The following STPG2 variants were observed in gnomAD, a reference collection of about 807,000 sequenced individuals.
The protein encoded by STPG2 is sperm-tail PG-rich repeat-containing protein 2.
Under a neutral mutation model 54.2 loss-of-function variants are expected in STPG2, and 56 were observed. The observed-to-expected ratio is 1.03, with a 90% CI of 0.83 to 1.29. The LOEUF is 1.29. Among genes scored for constraint, STPG2 ranks in the 50% most tolerant of loss-of-function variants. The probability of loss-of-function intolerance (pLI) is 0.00; values close to 1 mark genes in which losing one functional copy is unlikely to be tolerated. For missense variants in STPG2, 596 were observed against 544.9 expected (o/e 1.09, Z -0.93); for synonymous variants, 200 against 181.8 (o/e 1.10, Z -0.81).
intron 10 of STPG2, among the ~76,000 whole-genome samples, chr4:97,588,535 C>G (rs568501048): frequency 2.6e-5 from 4 of 152,096 alleles, no homozygotes; most frequent in African/African-American, 9.6e-5. Flanking sequence ...AAAAAGGAAT[C>G]ATTTTCACCA....
chr4:98,032,492 T>C (rs1302010414), intron 5 of STPG2, among the ~76,000 whole-genome samples: 1 of 152,104 alleles, frequency 6.6e-6, no homozygotes, highest in Non-Finnish European at 1.5e-5. Context: ...ACAATAATAG[T>C]GGGAAACTTT....
chr4:97,997,521 T>A (rs1445012645), intron 5 of STPG2, among the ~76,000 whole-genome samples: 1 of 152,124 alleles, frequency 6.6e-6, no homozygotes, highest in African/African-American at 2.4e-5. Flanking sequence ...TCACGAGAAA[T>A]CCTTCCTTAT....
chr4:97,714,596 A>G (rs1724232856), intron 9 of STPG2, among the ~76,000 whole-genome samples: 1 of 152,184 alleles, frequency 6.6e-6, no homozygotes, highest in Admixed American at 6.6e-5. Context: ...ATAAAACAAT[A>G]GCATGCACAA....
intron 8 of STPG2, among the ~76,000 whole-genome samples, chr4:97,859,522 T>A (rs1168941163): frequency 1.3e-5 from 2 of 150,566 alleles, no homozygotes. Context: ...GGGAGTGCAG[T>A]GGGGCGATCT....
chr4:97,756,581 C>T (rs1405968266), intron 9 of STPG2, among the ~76,000 whole-genome samples: 1 of 152,066 alleles, frequency 6.6e-6, no homozygotes, highest in Non-Finnish European at 1.5e-5. Context: ...CTGCCTTGGC[C>T]TCCCAAAGTG....
intron 9 of STPG2, among the ~76,000 whole-genome samples, chr4:97,769,446 A>G (rs1056289044): frequency 6.6e-6 from 1 of 152,146 alleles, no homozygotes; most frequent in Admixed American, 6.5e-5. Context: ...CAATAAACAC[A>G]TGCCTCCAAA....
intron 5 of STPG2, among the ~76,000 whole-genome samples, chr4:98,051,938 T>A (rs1357685773): frequency 6.6e-6 from 1 of 151,878 alleles, no homozygotes; most frequent in Admixed American, 6.6e-5. Flanking sequence ...AAATACAAAA[T>A]TAGCCAGGTG....
intron 1 of STPG2, among the ~76,000 whole-genome samples, chr4:98,139,694 T>A (rs1398441047): frequency 6.6e-6 from 1 of 152,178 alleles, no homozygotes; most frequent in African/African-American, 2.4e-5. Flanking sequence ...ATGTATAGGA[T>A]GCAGCTGCTC....
intron 10 of STPG2, among the ~76,000 whole-genome samples, chr4:97,709,270 AC>A (rs936240448): frequency 6.6e-6 from 1 of 151,752 alleles, no homozygotes; most frequent in African/African-American, 2.4e-5. Context: ...ATAGTAATAA[AC>A]AATAAGAATC....
intron 10 of STPG2, among the ~76,000 whole-genome samples, chr4:97,694,901 C>T (rs571401138): frequency 4.4e-4 from 63 of 142,798 alleles, no homozygotes; most frequent in East Asian, 1.9e-3. Context: ...CTGAATTCTA[C>T]GAGACATTCA....
chr4:98,101,231 T>G (rs1018129420), intron 5 of STPG2, among the ~76,000 whole-genome samples: 1 of 152,122 alleles, frequency 6.6e-6, no homozygotes, highest in South Asian at 2.1e-4. Flanking sequence ...ATGAAAGATA[T>G]ACAGAATAAG....
chr4:97,727,013 A>T (rs150014598), intron 9 of STPG2, among the ~76,000 whole-genome samples: 6 of 151,924 alleles, frequency 3.9e-5, no homozygotes, highest in African/African-American at 1.4e-4. Flanking sequence ...GTAGAGATAG[A>T]AACAAGGTTT....
chr4:97,972,171 T>C, intron 7 of STPG2, 109 bp downstream of exon 7: 1 of 702,406 alleles, frequency 1.4e-6, no homozygotes, highest in East Asian at 3.0e-5. Flanking sequence ...AACATGGTTA[T>C]AATAACTATT....
chr4:97,919,774 C>A (rs1013491509), intron 8 of STPG2, among the ~76,000 whole-genome samples: 1 of 152,058 alleles, frequency 6.6e-6, no homozygotes, highest in Non-Finnish European at 1.5e-5. Flanking sequence ...CTAGTAAAAA[C>A]TCTTCCAGTG....
intron 8 of STPG2, among the ~76,000 whole-genome samples, chr4:97,919,441 G>C (rs1732012645): frequency 7.8e-6 from 1 of 127,884 alleles, no homozygotes; most frequent in Non-Finnish European, 1.8e-5. Flanking sequence ...ACTTATTACA[G>C]AAAAATTAAA....
chr4:98,105,886 T>C (rs1019326044), intron 5 of STPG2, 67 bp downstream of exon 5: 2 of 1,350,906 alleles, frequency 1.5e-6, no homozygotes, highest in Middle Eastern at 1.9e-4. Flanking sequence ...CACAGTAACC[T>C]TGTGATAACA....
intron 4 of STPG2, among the ~76,000 whole-genome samples, chr4:97,466,743 G>T (rs1468415130): frequency 6.6e-6 from 1 of 151,768 alleles, no homozygotes; most frequent in Non-Finnish European, 1.5e-5. Flanking sequence ...AGAAATATAA[G>T]AACAAAATAT....
intron 10 of STPG2, among the ~76,000 whole-genome samples, chr4:97,581,314 C>T (rs1484294086): frequency 2.6e-5 from 4 of 152,068 alleles, no homozygotes; most frequent in Non-Finnish European, 5.9e-5. Flanking sequence ...TTTTAAGTAA[C>T]ATAACCAAGA....
intron 10 of STPG2, among the ~76,000 whole-genome samples, chr4:97,708,799 A>G (rs1724028610): frequency 6.6e-6 from 1 of 151,702 alleles, no homozygotes; most frequent in African/African-American, 2.4e-5. Flanking sequence ...CTATCCCATA[A>G]TTAAAAAAAA....
Sources: allele counts gnomAD v4.1 joint callset (sites outside exome capture counted in the v4.1 genomes callset), GRCh38; gene constraint gnomAD v4.1.1; transcripts MANE v1.5; gene names NCBI Gene and HGNC (gene_info 2026-07-23, HGNC 2026-07-21).